RELCH: variants seen among roughly 807,000 people sequenced by gnomAD.
RELCH encodes RAB11 binding and LisH domain, coiled-coil and HEAT repeat containing.
RELCH carries 41 observed loss-of-function variants against 150.3 expected under a neutral mutation model. That is an observed-to-expected ratio of 0.27 (90% CI 0.21 to 0.35). The LOEUF (loss-of-function observed/expected upper bound fraction) is 0.35. Among genes scored for constraint, RELCH ranks in the 10% least tolerant of loss-of-function variants. RELCH has a pLI of 1.00. For synonymous variants in RELCH, 478 were observed against 531.8 expected (o/e 0.90, Z 1.39); for missense variants, 1,092 against 1,467.8 (o/e 0.74, Z 4.18).
At chr18:62,284,649 A>G (rs1374708308) in intron 25 of RELCH, among the ~76,000 whole-genome samples, 3 of 152,180 alleles carry the variant, frequency 2.0e-5, no homozygotes. Context: ...TGTTATTCCT[A>G]AGTATTTATA....
At position 62,199,327 on chromosome 18, in the gene RELCH, CTT is replaced by C. The variant is rs539878345; in HGVS notation, c.526+11297_526+11298del. 3.1e-3 allele frequency among the ~76,000 whole-genome samples: 469 copies of C among 152,144 alleles called. 3 individuals are homozygous for C. The highest frequency in any genetic ancestry group is 0.011 in the African/African-American group (441 of 41,506). ...TGTGAATATGTGTTTCTAATTAACT[CTT>C]AATAATATTATTGAAATGTTTGTGT... On this transcript the variant is annotated intron_variant, in intron 1 of 28. Coordinates refer to ENST00000644646, the MANE Select transcript of RELCH (RefSeq NM_001346231.2).
chr18:62,195,187 T>C (rs1428008034), intron 1 of RELCH, among the ~76,000 whole-genome samples: 2 of 152,212 alleles, frequency 1.3e-5, no homozygotes, highest in Non-Finnish European at 2.9e-5. Context: ...GGATAAATTC[T>C]TGTAGCATCG....
chr18:62,286,988 G>A (rs2044838111), intron 25 of RELCH, among the ~76,000 whole-genome samples: 1 of 152,074 alleles, frequency 6.6e-6, no homozygotes, highest in South Asian at 2.1e-4. Context: ...TTTTTATGGA[G>A]AAACTTAACT....
At chr18:62,291,478 C>G (rs2045132323) in intron 26 of RELCH, 65 bp from the exon 27 acceptor site, 1 of 870,466 alleles carries the variant, frequency 1.1e-6, no homozygotes, top group Non-Finnish European at 1.9e-6. Context: ...TATGTAGTAA[C>G]TCGGTTGTTC....
chr18:62,196,020 C>A (rs1351707545), intron 1 of RELCH, among the ~76,000 whole-genome samples: 3 of 151,766 alleles, frequency 2.0e-5, no homozygotes, highest in Non-Finnish European at 4.4e-5. Context: ...CATGATCCAA[C>A]GTATCGTTTC....
chr18:62,291,926 C>A (rs2045161770), intron 27 of RELCH, among the ~76,000 whole-genome samples: 1 of 152,116 alleles, frequency 6.6e-6, no homozygotes, highest in Admixed American at 6.5e-5. Context: ...TTCTCTCTGA[C>A]CATCAACTTT....
chr18:62,280,903 G>C (rs1326987791), intron 24 of RELCH, among the ~76,000 whole-genome samples, 194 bp downstream of exon 24: 1 of 152,144 alleles, frequency 6.6e-6, no homozygotes, highest in Non-Finnish European at 1.5e-5. Context: ...GAAATCTCTA[G>C]TCTTTCCTCT....
intron 27 of RELCH, among the ~76,000 whole-genome samples, chr18:62,292,560 C>A (rs1053768293): frequency 6.6e-6 from 1 of 152,134 alleles, no homozygotes; most frequent in Admixed American, 6.6e-5. Flanking sequence ...ATGCTGGAGC[C>A]ATAGAACTTC....
chr18:62,200,964 C>CTT (rs543882947), intron 1 of RELCH, among the ~76,000 whole-genome samples: 11 of 54,992 alleles, frequency 2.0e-4, no homozygotes, highest in South Asian at 8.9e-4. Context: ...TTTTTCTTTG[C>CTT]TTTTTTTTTT....
At chr18:62,263,905 G>T in intron 16 of RELCH, 84 bp from the exon 17 acceptor site, 1 of 983,094 alleles carries the variant, frequency 1.0e-6, no homozygotes, top group South Asian at 1.6e-5. Context: ...TGAGGAGAAA[G>T]GACCTTATTT....
At chr18:62,225,373 T>C (rs764040992) in intron 5 of RELCH, among the ~76,000 whole-genome samples, 5 of 151,998 alleles carry the variant, frequency 3.3e-5, no homozygotes, top group Non-Finnish European at 7.4e-5. Context: ...ACTTCTGCTG[T>C]TTGGAAGCCA....
chr18:62,199,955 TTAATAA>T (rs758200036), intron 1 of RELCH, among the ~76,000 whole-genome samples: 28 of 140,950 alleles, frequency 2.0e-4, no homozygotes, highest in African/African-American at 3.2e-4. Context: ...AAAAAGAATG[TTAATAA>T]TAATAATTAC....
intron 5 of RELCH, 74 bp from the exon 6 acceptor site, chr18:62,227,215 G>C: frequency 1.0e-6 from 1 of 966,156 alleles, no homozygotes; most frequent in East Asian, 2.6e-5. Context: ...AAAGATATTA[G>C]CAATAATATG....
intron 27 of RELCH, among the ~76,000 whole-genome samples, chr18:62,296,187 T>A (rs554622034): frequency 2.1e-3 from 315 of 152,352 alleles, no homozygotes; most frequent in African/African-American, 7.2e-3. Context: ...TATTGTTTTA[T>A]ATATTTCAAT....
intron 12 of RELCH, chr18:62,254,646 T>C (rs2042902912): frequency 6.6e-6 from 1 of 152,122 alleles, no homozygotes; most frequent in South Asian, 2.1e-4. Flanking sequence ...CTACCTCCAG[T>C]TTGTTGCCCA....
chr18:62,274,151 T>A, intron 21 of RELCH, 65 bp downstream of exon 21: 1 of 1,006,924 alleles, frequency 9.9e-7, no homozygotes, highest in Non-Finnish European at 1.5e-6. Context: ...ATTTATAGAG[T>A]ACATATTTTA....
At chr18:62,267,642 A>G (rs1568407265) in intron 19 of RELCH, among the ~76,000 whole-genome samples, 1 of 151,736 alleles carries the variant, frequency 6.6e-6, no homozygotes, top group African/African-American at 2.4e-5. Context: ...GCCTGAAGAC[A>G]TTGAAGAGAT....
At chr18:62,224,438 A>G (rs2041085594) in intron 5 of RELCH, among the ~76,000 whole-genome samples, 1 of 152,192 alleles carries the variant, frequency 6.6e-6, no homozygotes, top group African/African-American at 2.4e-5. Flanking sequence ...ATAAGGCAAG[A>G]AAAAGTAATT....
In RELCH at chr18:62,236,726, A is replaced by G. The variant is rs528497057; in HGVS notation, c.1620+4299A>G. Among the ~76,000 whole-genome samples the G allele has an allele frequency of 9.7e-4, 147 of 151,952 alleles. 1 individual carries two copies. The highest frequency in any genetic ancestry group is 3.4e-3 in the African/African-American group (143 of 41,550). The stretch of plus-strand genomic sequence containing the variant: ...CTCTCTTTTTCAGTCAGTCTAGCTA[A>G]ACGTTTGTCAATTTTGTTTCTCTTT... On this transcript the variant is annotated intron_variant, in intron 10 of 28. Transcript: ENST00000644646.
Sources: allele counts gnomAD v4.1 joint callset (sites outside exome capture counted in the v4.1 genomes callset), GRCh38; gene constraint gnomAD v4.1.1; transcripts MANE v1.5; gene names NCBI Gene and HGNC (gene_info 2026-07-23, HGNC 2026-07-21).